PYY: variants seen among roughly 807,000 people sequenced by gnomAD.
The protein encoded by PYY is peptide tyrosine tyrosine.
Under a neutral mutation model 10.3 loss-of-function variants are expected in PYY, and 12 were observed. That is an observed-to-expected ratio of 1.17 (90% CI 0.75 to 1.89). PYY has a LOEUF of 1.89. Ranked by LOEUF, PYY falls within the 40% of genes most tolerant of loss-of-function variation. The probability of loss-of-function intolerance (pLI) is 0.00; values close to 1 mark genes in which losing one functional copy is unlikely to be tolerated. For missense variants in PYY, 141 were observed against 134.0 expected, an observed-to-expected ratio of 1.05 and a Z score of -0.26; for synonymous variants, 66 against 62.0, an observed-to-expected ratio of 1.06 and a Z score of -0.30.
chr17:43,966,618 A>G (rs1257943204), intron 1 of PYY: 2 of 152,196 alleles, frequency 1.3e-5, no homozygotes, highest in Non-Finnish European at 2.9e-5. Flanking sequence ...GTTAATAACT[A>G]TATCCTGCCC....
upstream of PYY, chr17:43,957,877 C>T (rs2048684715): frequency 6.5e-6 from 1 of 154,008 alleles, no homozygotes; most frequent in African/African-American, 2.4e-5. Flanking sequence ...ACAGCGATGC[C>T]AAGAAGTAAG....
intron 1 of PYY, among the ~76,000 whole-genome samples, chr17:43,996,509 G>C (rs752057444): frequency 6.6e-6 from 1 of 152,092 alleles, no homozygotes; most frequent in East Asian, 1.9e-4. Context: ...CTGTCACCCA[G>C]GCTGGAGTGC....
intron 1 of PYY, among the ~76,000 whole-genome samples, chr17:43,992,946 A>G (rs998891005): frequency 1.3e-5 from 2 of 152,172 alleles, no homozygotes; most frequent in Admixed American, 1.3e-4. Context: ...GAGAGGACAC[A>G]CTTCTGTTGT....
intron 1 of PYY, among the ~76,000 whole-genome samples, chr17:43,973,451 T>C (rs1241114926): frequency 6.6e-6 from 1 of 152,210 alleles, no homozygotes; most frequent in Non-Finnish European, 1.5e-5. Flanking sequence ...GAGGCATTCA[T>C]CCAGCGCTGT....
intron 1 of PYY, among the ~76,000 whole-genome samples, chr17:43,967,486 A>G (rs939489442): frequency 2.6e-5 from 4 of 151,972 alleles, no homozygotes; most frequent in Non-Finnish European, 4.4e-5. Context: ...TCAGACCACA[A>G]ACTCTGGGGC....
rs572640671 is a variant in PYY at position 43,975,970 on chromosome 17, C to A, written c.-462-9438G>T. 4.6e-4 allele frequency among the ~76,000 whole-genome samples: 2 copies of A among 4,304 alleles called. 1 individual carries two copies. The highest frequency in any genetic ancestry group is 6.1e-4 in the Non-Finnish European group (2 of 3,260). 2.8% of individuals were successfully genotyped at this position (4,304 alleles called of 152,430 possible). A position where few individuals can be genotyped will look rare whatever the true frequency, so the allele number is the denominator to read the frequency against. ...TCTACGTACGTGTACATACACGTGT[C>A]TACGTACGTGTACATACACGTGTCT... On this transcript the variant is annotated intron_variant, in intron 1 of 6. Coordinates refer to the PYY transcript ENST00000360085.
chr17:43,961,513 C>T (rs2048712550), intron 2 of PYY, among the ~76,000 whole-genome samples: 1 of 62 alleles, frequency 0.016, no homozygotes, highest in Non-Finnish European at 0.038. Flanking sequence ...GCTAGAAGGC[C>T]CTTGGCTCTG....
chr17:43,991,853 G>C (rs1418243714), intron 1 of PYY, among the ~76,000 whole-genome samples: 1 of 151,710 alleles, frequency 6.6e-6, no homozygotes, highest in Admixed American at 6.6e-5. Context: ...GGGCGCGGTG[G>C]CTCACGCCTG....
At chr17:44,003,133 G>A (rs1338273299) in intron 1 of PYY, among the ~76,000 whole-genome samples, 1 of 152,090 alleles carries the variant, frequency 6.6e-6, no homozygotes, top group Non-Finnish European at 1.5e-5. Context: ...CTCCTCCCAG[G>A]CTCAAGTGAT....
At position 43,989,808 on chromosome 17, in the gene PYY, TTAAAAA is replaced by T. The variant is rs1567936502; in HGVS notation, c.-463+14577_-463+14582del. Reference sequence around the variant, plus strand: ...GGAGACAGACCAAGAGGCTGTCTCTTTAAAAAAAAAAAAAAAAAAAAAAAAAAAAAA... The same window carrying T: ...GGAGACAGACCAAGAGGCTGTCTCTTAAAAAAAAAAAAAAAAAAAAAAAAA... On this transcript the variant is annotated intron_variant, in intron 1 of 6. Coordinates refer to the PYY transcript ENST00000360085. 1.2e-3 allele frequency among the ~76,000 whole-genome samples: 52 copies of T among 43,360 alleles called. 1 individual carries two copies. The highest frequency in any genetic ancestry group is 1.5e-3 in the Non-Finnish European group (40 of 27,346). The allele number at this position is 43,360 out of a possible 152,430, so 28.4% of individuals were successfully genotyped here. A position where few individuals can be genotyped will look rare whatever the true frequency, so the allele number is the denominator to read the frequency against.
chr17:43,988,765 CTGTCT>C (rs997158015), intron 1 of PYY, among the ~76,000 whole-genome samples: 7 of 108,228 alleles, frequency 6.5e-5, no homozygotes, highest in African/African-American at 2.4e-4. Flanking sequence ...TTCTTTCTTT[CTGTCT>C]TTTTTTTTTT....
upstream of PYY, among the ~76,000 whole-genome samples, chr17:43,958,507 G>A (rs548564046): frequency 1.8e-4 from 27 of 152,106 alleles, no homozygotes; most frequent in Middle Eastern, 3.4e-3. Flanking sequence ...AACCTCCCAA[G>A]TAGCTGGAAT....
At position 43,987,257 on chromosome 17, in the gene PYY, G is replaced by A. The variant is rs927886698; in HGVS notation, c.-463+17134C>T. On this transcript the variant is annotated intron_variant, in intron 1 of 6. Coordinates refer to the PYY transcript ENST00000360085. The surrounding 1 kb of genome is among the most constrained non-coding windows in gnomAD (Gnocchi z 4.0). ...AATGGGGCTTCCCTCCCTCCCCGCC[G>A]CTGCTCTCTGACTTAATTACTTCTC... 1.3e-5 allele frequency among the ~76,000 whole-genome samples: 2 copies of A among 152,030 alleles called. No homozygotes were observed. The highest frequency in any genetic ancestry group is 2.9e-5 in the Non-Finnish European group (2 of 67,996).
At chr17:43,975,665 G>C (rs1392888947) in intron 1 of PYY, among the ~76,000 whole-genome samples, 1 of 150,008 alleles carries the variant, frequency 6.7e-6, no homozygotes, top group Non-Finnish European at 1.5e-5. Context: ...GCTGCAGTGA[G>C]CCGAGATCAT....
At chr17:43,981,702 T>A (rs2048884820) in intron 1 of PYY, among the ~76,000 whole-genome samples, 1 of 151,988 alleles carries the variant, frequency 6.6e-6, no homozygotes, top group African/African-American at 2.4e-5. Context: ...GTTGGCCAGG[T>A]TGGTCTCGAA....
At chr17:43,992,600 G>C (rs1013534397) in intron 1 of PYY, among the ~76,000 whole-genome samples, 1 of 151,902 alleles carries the variant, frequency 6.6e-6, no homozygotes, top group Non-Finnish European at 1.5e-5. Context: ...CCAGCTACTC[G>C]GGAGGCTGAG....
chr17:43,998,501 T>C (rs1390518416), intron 1 of PYY, among the ~76,000 whole-genome samples: 1 of 151,950 alleles, frequency 6.6e-6, no homozygotes, highest in Non-Finnish European at 1.5e-5. Context: ...GAGGTTGCAG[T>C]GAGCTGAGAT....
At chr17:43,972,169 G>GTTAT (rs1305065962) in intron 1 of PYY, among the ~76,000 whole-genome samples, 1 of 142,908 alleles carries the variant, frequency 7.0e-6, no homozygotes, top group Non-Finnish European at 1.5e-5. Flanking sequence ...TGTTACTTTA[G>GTTAT]TTATTTATTT....
chr17:43,954,221 G>A (rs1449790403), upstream of PYY, among the ~76,000 whole-genome samples: 1 of 152,194 alleles, frequency 6.6e-6, no homozygotes. Context: ...TCCTGAGGAA[G>A]TGAAGCGGTT....
Sources: gnomAD v4.1 joint callset for allele counts (sites outside exome capture counted in the v4.1 genomes callset) on GRCh38, gnomAD v4.1.1 for gene constraint, Gnocchi (gnomAD v3.1) non-coding constraint, MANE v1.5 for transcripts, NCBI Gene and HGNC (gene_info 2026-07-23, HGNC 2026-07-21) for gene names.